The following RUSC2 variants were observed in gnomAD, a reference collection of about 807,000 sequenced individuals.
RUSC2 encodes RUN and SH3 domain containing 2.
Under a neutral mutation model 122.2 loss-of-function variants are expected in RUSC2, and 34 were observed. The observed-to-expected ratio is 0.28, with a 90% CI of 0.21 to 0.37. The LOEUF is 0.37. Among genes scored for constraint, RUSC2 ranks in the 10% least tolerant of loss-of-function variants. The probability of loss-of-function intolerance (pLI) is 1.00; values close to 1 mark genes in which losing one functional copy is unlikely to be tolerated. For synonymous variants in RUSC2, 784 were observed against 790.0 expected (o/e 0.99, Z 0.13); for missense variants, 1,747 against 1,952.4 (o/e 0.89, Z 1.98).
chr9:35,533,493 A>C (rs1435520183), intron 1 of RUSC2, among the ~76,000 whole-genome samples: 1 of 152,094 alleles, frequency 6.6e-6, no homozygotes, highest in Admixed American at 6.5e-5. Context: ...CATACCATAC[A>C]TTTTGCCATT....
Position 35,546,768 on chromosome 9 carries a change from A to G in RUSC2, c.247A>G (p.Ser83Gly), listed in dbSNP as rs1172685709. Residue 83 changes from serine (S) to glycine (G), a missense_variant, in exon 2 of 12, where the codon AGC becomes GGC. Physicochemically the swap from Ser to Gly is moderately conservative, Grantham distance 56. Coordinates refer to ENST00000361226, the MANE Select transcript of RUSC2 (RefSeq NM_014806.5). The surrounding 1 kb of genome is among the most constrained non-coding windows in gnomAD (Gnocchi z 4.3). ...TPGGTARSID[S>G]TKSRSRDGRG... ...AGGAGGAACTGCACGGTCTATAGACAGCACCAAGAGTAGGAGTCGGGATGG... is the reference window on the plus strand; with the variant it reads ...AGGAGGAACTGCACGGTCTATAGACGGCACCAAGAGTAGGAGTCGGGATGG... 1.2e-6 allele frequency: 2 copies of G among 1,602,552 alleles called. No homozygotes were observed. Among genetic ancestry groups the G allele is most frequent in the South Asian group, 2.3e-5 (2 of 88,378 alleles).
intron 1 of RUSC2, among the ~76,000 whole-genome samples, chr9:35,544,472 T>C (rs555234058): frequency 2.0e-5 from 3 of 152,188 alleles, no homozygotes; most frequent in African/African-American, 7.2e-5. Flanking sequence ...CACGCCCAGC[T>C]AATTTTTATA....
chr9:35,546,434 C>A lies in RUSC2; in HGVS notation c.-88C>A. The A allele has an allele frequency of 9.5e-7, 1 of 1,049,414 alleles. No individual in the cohort carries two copies. The highest frequency in any genetic ancestry group is 3.8e-5 in the South Asian group (1 of 26,424). 65.0% of individuals were successfully genotyped at this position (1,049,414 alleles called of 1,614,324 possible). On this transcript the variant is annotated 5_prime_UTR_variant, in exon 2 of 12. Transcript: ENST00000361226. This position sits in a 1 kb window ranked among gnomAD's most constrained non-coding sequence, Gnocchi z 4.3. ...TTTCTTTCCCTCTCTCTCCAGGTGC[C>A]AAGCTCTCCTGATGAAATGTGTTCT... is the stretch of plus-strand genomic sequence containing the variant.
intron 1 of RUSC2, among the ~76,000 whole-genome samples, chr9:35,491,274 G>A (rs1178460775): frequency 6.6e-6 from 1 of 152,164 alleles, no homozygotes; most frequent in Non-Finnish European, 1.5e-5. Context: ...AGTTGATAAG[G>A]TAGAAAGTAG....
At chr9:35,491,432 T>C (rs560474047) in intron 1 of RUSC2, among the ~76,000 whole-genome samples, 2 of 152,330 alleles carry the variant, frequency 1.3e-5, no homozygotes, top group East Asian at 3.9e-4. Flanking sequence ...ACAGTATACC[T>C]GGTATTCTGT....
At chr9:35,538,216 G>A (rs1008502857) in intron 1 of RUSC2, among the ~76,000 whole-genome samples, 6 of 152,150 alleles carry the variant, frequency 3.9e-5, no homozygotes, top group African/African-American at 1.4e-4. Flanking sequence ...CAGCCACAGC[G>A]AGTAGACCTC....
intron 1 of RUSC2, among the ~76,000 whole-genome samples, chr9:35,508,247 C>T (rs994485248): frequency 3.9e-5 from 6 of 152,214 alleles, no homozygotes; most frequent in African/African-American, 1.4e-4. Context: ...TAAGTAATCC[C>T]TCCCTGGCGC....
At chr9:35,503,918 G>A (rs1239990895) in intron 1 of RUSC2, among the ~76,000 whole-genome samples, 1 of 152,028 alleles carries the variant, frequency 6.6e-6, no homozygotes, top group African/African-American at 2.4e-5. Context: ...GGGATTATAG[G>A]TGCATGCCAC....
intron 1 of RUSC2, among the ~76,000 whole-genome samples, chr9:35,536,373 G>C (rs1821527856): frequency 6.6e-6 from 1 of 152,192 alleles, no homozygotes; most frequent in African/African-American, 2.4e-5. Flanking sequence ...GAGTTGCTCT[G>C]GGTCTGGTAG....
At position 35,560,724 on chromosome 9, in the gene RUSC2, A is replaced by T. The variant is rs1264455862; in HGVS notation, c.4084A>T (p.Arg1362Trp). 1.3e-6 allele frequency: 2 copies of T among 1,549,440 alleles called. No individual in the cohort carries two copies. Among genetic ancestry groups the T allele is most frequent in the African/African-American group, 2.7e-5 (2 of 73,142 alleles). ...GGCCGAGCTGAGGCGCAGTCGGGAG[A>T]GGGAAGGGCCCGCTGCCTCGCCAGC... ...VLAELRRSRE[R>W]EGPAASPAEN... The change falls in exon 10 of 12, where the codon AGG (arginine) becomes TGG (tryptophan). Residue 1362 changes from arginine (R) to tryptophan (W), a missense_variant. Physicochemically the swap from Arg to Trp is moderately radical, Grantham distance 101. Coordinates refer to ENST00000361226, the MANE Select transcript of RUSC2 (RefSeq NM_014806.5).
intron 1 of RUSC2, among the ~76,000 whole-genome samples, chr9:35,494,743 T>G (rs1333766394): frequency 6.6e-6 from 1 of 151,298 alleles, no homozygotes; most frequent in Non-Finnish European, 1.5e-5. Context: ...ATGGATTGCC[T>G]TTCACTCTGT....
chr9:35,497,626 A>T (rs1026908541), intron 1 of RUSC2, among the ~76,000 whole-genome samples: 3 of 152,240 alleles, frequency 2.0e-5, no homozygotes, highest in Non-Finnish European at 2.9e-5. Flanking sequence ...GAAGATCTCC[A>T]GACCTAGGGT....
chr9:35,531,266 A>G (rs961267966), intron 1 of RUSC2, among the ~76,000 whole-genome samples: 3 of 152,152 alleles, frequency 2.0e-5, no homozygotes, highest in Non-Finnish European at 2.9e-5. Context: ...CTCTCAAAAA[A>G]AAAAGAATTT....
At chr9:35,500,948 A>G (rs772264149) in intron 1 of RUSC2, among the ~76,000 whole-genome samples, 2 of 152,230 alleles carry the variant, frequency 1.3e-5, no homozygotes, top group Admixed American at 6.5e-5. Context: ...CTCATTATAC[A>G]TTTGTGAGTC....
At chr9:35,493,135 C>G (rs10972492) in intron 1 of RUSC2, among the ~76,000 whole-genome samples, 7 of 151,838 alleles carry the variant, frequency 4.6e-5, no homozygotes, top group Non-Finnish European at 1.0e-4. Context: ...TGCTCCTCTC[C>G]CTCCTTCTAC....
intron 1 of RUSC2, among the ~76,000 whole-genome samples, chr9:35,543,946 T>C (rs1383511679): frequency 1.3e-5 from 2 of 152,204 alleles, no homozygotes; most frequent in African/African-American, 2.4e-5. Flanking sequence ...AACATATGTT[T>C]TCATTTTTCT....
Position 35,561,384 on chromosome 9 carries a change from GCC to G in RUSC2, c.*4_*5del. 6 of 1,608,258 alleles carry G rather than the reference GCC, an allele frequency of 3.7e-6. No homozygotes were observed. Among genetic ancestry groups the G allele is most frequent in the Non-Finnish European group, 5.1e-6 (6 of 1,176,946 alleles). On this transcript the variant is annotated 3_prime_UTR_variant, in exon 12 of 12. Transcript: ENST00000361226. ...ACCCCTGGAAGCAGCCAAAACTGAG[GCC>G]CTGTGCATGCTGGTGGCCTCAGGGA... is the stretch of plus-strand genomic sequence containing the variant.
chr9:35,533,199 A>T (rs1371307643), intron 1 of RUSC2, among the ~76,000 whole-genome samples: 1 of 151,590 alleles, frequency 6.6e-6, no homozygotes, highest in Non-Finnish European at 1.5e-5. Context: ...GTGAGCCGAG[A>T]TCGTGCCACT....
In RUSC2 at chr9:35,560,623, G is replaced by A. The variant is rs372907491; in HGVS notation, c.3983G>A (p.Cys1328Tyr). 43 of 1,606,782 alleles carry A rather than the reference G, an allele frequency of 2.7e-5. No individual in the cohort carries two copies. The highest frequency in any genetic ancestry group is 1.2e-4 in the South Asian group (11 of 90,380). ...GGAGTAGTGGAGGGGGCTGAGGCCT[G>A]CCCTGCCTCTGAGGAGGCCCTGGGC... ...REGVVEGAEA[C>Y]PASEEALGRE... Residue 1328 changes from cysteine (C) to tyrosine (Y), a missense_variant, in exon 10 of 12, where the codon TGC (cysteine) becomes TAC (tyrosine). Cys to Tyr is a radical substitution (Grantham distance 194). Transcript: ENST00000361226.
Sources: gnomAD v4.1 joint callset for allele counts (sites outside exome capture counted in the v4.1 genomes callset) on GRCh38, gnomAD v4.1.1 for gene constraint, Gnocchi (gnomAD v3.1) non-coding constraint, MANE v1.5 for transcripts, NCBI Gene and HGNC (gene_info 2026-07-23, HGNC 2026-07-21) for gene names.